Variants in NBEA observed in about 807,000 individuals in gnomAD.
The protein encoded by NBEA is neurobeachin.
A neutral mutation model predicts 343.4 loss-of-function variants in NBEA; 44 were observed. That is an observed-to-expected ratio of 0.13 (90% confidence interval 0.10 to 0.16). The LOEUF (loss-of-function observed/expected upper bound fraction) is 0.16, where lower values mean the gene tolerates loss of function less well. Among genes scored for constraint, NBEA ranks in the 10% least tolerant of loss-of-function variants. The pLI is 1.00. For synonymous variants in NBEA, 1,175 were observed against 1,238.7 expected, an observed-to-expected ratio of 0.95 and a Z score of 1.08; for missense variants, 2,555 against 3,631.3, an observed-to-expected ratio of 0.70 and a Z score of 7.62.
intron 47 of NBEA, among the ~76,000 whole-genome samples, chr13:35,593,968 C>T (rs953489875): frequency 6.6e-6 from 1 of 152,068 alleles, no homozygotes; most frequent in African/African-American, 2.4e-5. Context: ...CCAACACACA[C>T]ACAATATCCA....
At chr13:35,298,806 G>C (rs2036336057) in intron 35 of NBEA, among the ~76,000 whole-genome samples, 1 of 151,250 alleles carries the variant, frequency 6.6e-6, no homozygotes, top group Admixed American at 6.6e-5. Flanking sequence ...TTTTTTTTAT[G>C]GTTGACTATT....
chr13:35,233,254 G>A (rs567109541), intron 34 of NBEA, among the ~76,000 whole-genome samples: 1 of 152,094 alleles, frequency 6.6e-6, no homozygotes, highest in African/African-American at 2.4e-5. Context: ...TGATCTGTAG[G>A]TGAATAATGG....
intron 48 of NBEA, among the ~76,000 whole-genome samples, chr13:35,618,695 A>T (rs1414769117): frequency 6.6e-6 from 1 of 152,214 alleles, no homozygotes; most frequent in East Asian, 1.9e-4. Flanking sequence ...TACTCATGAA[A>T]CATTAATAAA....
At position 35,555,010 on chromosome 13, in the gene NBEA, G is replaced by T. The variant is rs758012879; in HGVS notation, c.6830G>T (p.Arg2277Leu). The change falls in exon 44 of 59, where the codon CGA becomes CTA. Residue 2277 changes from arginine (R) to leucine (L), a missense_variant. By Grantham distance (102) the Arg-to-Leu change is moderately radical. This residue lies in a region of NBEA where 38 missense variants were observed against 97.2 expected (regional missense o/e 0.39). Coordinates refer to ENST00000379939, the MANE Select transcript of NBEA (RefSeq NM_001385012.1). ...AGGAGGATATCATTGGCCACTCCTC[G>T]ACAGCTTTATAAATCTTCCAATATG... ...QARRISLATP[R>L]QLYKSSNMTQ... The T allele has an allele frequency of 2.4e-5, 39 of 1,610,326 alleles. 1 individual carries two copies. In the South Asian group the frequency reaches 3.9e-4, roughly 16 times the overall value.
At chr13:35,010,810 C>T (rs1288576252) in intron 1 of NBEA, among the ~76,000 whole-genome samples, 1 of 140,342 alleles carries the variant, frequency 7.1e-6, no homozygotes, top group Non-Finnish European at 1.5e-5. Flanking sequence ...CACCTGTAGT[C>T]CTAGCTACTT....
chr13:35,276,561 T>A (rs1203650832), intron 34 of NBEA, among the ~76,000 whole-genome samples: 1 of 152,186 alleles, frequency 6.6e-6, no homozygotes, highest in African/African-American at 2.4e-5. Context: ...CTACATGGAA[T>A]CTTCAAGAAG....
At chr13:35,567,506 G>A (rs9600955) in intron 45 of NBEA, among the ~76,000 whole-genome samples, 38,804 of 152,010 alleles carry the variant, frequency 0.26, 5,142 homozygotes, top group South Asian at 0.31. Context: ...TAACGGTAAT[G>A]AGAAATAAAA....
intron 41 of NBEA, among the ~76,000 whole-genome samples, chr13:35,498,346 G>T (rs936164744): frequency 6.6e-6 from 1 of 151,846 alleles, no homozygotes; most frequent in South Asian, 2.1e-4. Context: ...TTCCTCCCTA[G>T]GCAAATGGGT....
intron 1 of NBEA, among the ~76,000 whole-genome samples, chr13:34,987,667 A>G (rs1318889068): frequency 2.0e-5 from 3 of 150,870 alleles, no homozygotes; most frequent in South Asian, 2.1e-4. Flanking sequence ...ACATAGTCCT[A>G]TATTTCTTGG....
intron 33 of NBEA, among the ~76,000 whole-genome samples, chr13:35,217,717 G>A (rs1260965351): frequency 1.3e-5 from 2 of 152,044 alleles, no homozygotes; most frequent in East Asian, 1.9e-4. Flanking sequence ...CTTAGAAAGG[G>A]TAGACTTGCT....
intron 48 of NBEA, among the ~76,000 whole-genome samples, chr13:35,615,886 G>A (rs760519476): frequency 6.6e-6 from 1 of 152,070 alleles, no homozygotes; most frequent in South Asian, 2.1e-4. Context: ...TATGGTCCCT[G>A]TTTCTATATC....
intron 45 of NBEA, 139 bp downstream of exon 45, chr13:35,567,156 T>A (rs1308437590): frequency 2.1e-6 from 1 of 486,088 alleles, no homozygotes; most frequent in Non-Finnish European, 3.7e-6. Flanking sequence ...AGTTTCTAAA[T>A]CTTACCAATT....
At position 35,264,715 on chromosome 13, in the gene NBEA, G is replaced by A. The variant is rs1287075360; in HGVS notation, c.5777-25674G>A. Reference sequence around the variant, plus strand: ...ATTCATTGTTTTTGCATGATAGAAAGTCTCTACAACTTCAGAAGGAATATA... The same window carrying A: ...ATTCATTGTTTTTGCATGATAGAAAATCTCTACAACTTCAGAAGGAATATA... On this transcript the variant is annotated intron_variant, in intron 34 of 58. Transcript: ENST00000379939. 2.0e-5 allele frequency among the ~76,000 whole-genome samples: 3 copies of A among 151,824 alleles called. No individual in the cohort carries two copies. In the East Asian group the frequency reaches 5.8e-4, roughly 29 times the overall value.
intron 24 of NBEA, among the ~76,000 whole-genome samples, chr13:35,165,591 T>C (rs780924495): frequency 2.6e-5 from 4 of 152,194 alleles, no homozygotes; most frequent in Non-Finnish European, 5.9e-5. Context: ...CCTCTGGTGA[T>C]TTATACCAAA....
At chr13:35,598,469 G>T (rs1245912480) in intron 47 of NBEA, among the ~76,000 whole-genome samples, 1 of 152,184 alleles carries the variant, frequency 6.6e-6, no homozygotes, top group Non-Finnish European at 1.5e-5. Context: ...AATAAACATG[G>T]TTTGCAGCTG....
intron 8 of NBEA, among the ~76,000 whole-genome samples, chr13:35,059,784 G>C (rs140256251): frequency 0.012 from 1,734 of 145,000 alleles, 43 homozygotes; most frequent in African/African-American, 0.041. Flanking sequence ...AGAGAGAGAG[G>C]AAAGTTTGAA....
chr13:34,979,558 T>C lies in NBEA; in HGVS notation c.294+36444T>C, dbSNP rs113933295. On this transcript the variant is annotated intron_variant, in intron 1 of 58. Transcript: ENST00000379939. ...AGAAAAACAATTTTCCCCTGGGAAG[T>C]ACCTATTCAAATCTTTTGCCAATTT... Among the ~76,000 whole-genome samples, 965 of 152,190 alleles carry C rather than the reference T, an allele frequency of 6.3e-3. 11 individuals are homozygous for C. Among genetic ancestry groups the C allele is most frequent in the African/African-American group, 0.022 (924 of 41,538 alleles).
intron 32 of NBEA, among the ~76,000 whole-genome samples, chr13:35,209,912 A>G (rs1303291138): frequency 6.6e-6 from 1 of 152,088 alleles, no homozygotes; most frequent in East Asian, 1.9e-4. Flanking sequence ...CCTGTATTAT[A>G]AATAGATATT....
At chr13:35,268,546 A>G (rs1181650107) in intron 34 of NBEA, among the ~76,000 whole-genome samples, 4 of 152,100 alleles carry the variant, frequency 2.6e-5, no homozygotes, top group African/African-American at 7.2e-5. Context: ...TGGAAAAAAT[A>G]TACAAACTTA....
Sources: gnomAD v4.1 joint callset for allele counts (sites outside exome capture counted in the v4.1 genomes callset) on GRCh38, gnomAD v4.1.1 for gene constraint, gnomAD v4.1.1 regional missense constraint, MANE v1.5 for transcripts, NCBI Gene and HGNC (gene_info 2026-07-23, HGNC 2026-07-21) for gene names.